Variants in SMAP1 observed in about 807,000 individuals in gnomAD.
The protein encoded by SMAP1 is small ArfGAP 1.
A neutral mutation model predicts 58.5 loss-of-function variants in SMAP1; 24 were observed. The observed-to-expected ratio is 0.41, with a 90% CI of 0.30 to 0.58. The LOEUF (loss-of-function observed/expected upper bound fraction) is 0.58, where lower values mean the gene tolerates loss of function less well. Ranked by LOEUF, SMAP1 falls within the 20% of genes least tolerant of loss-of-function variation. The probability of loss-of-function intolerance (pLI) is 0.29; values close to 1 mark genes in which losing one functional copy is unlikely to be tolerated. For synonymous variants in SMAP1, 216 were observed against 196.6 expected (o/e 1.10, Z -0.82); for missense variants, 563 against 566.3 (o/e 0.99, Z 0.06).
At chr6:70,758,961 C>G (rs961230664) in intron 3 of SMAP1, among the ~76,000 whole-genome samples, 4 of 151,946 alleles carry the variant, frequency 2.6e-5, no homozygotes, top group African/African-American at 9.7e-5. Context: ...ATGGAGTTAC[C>G]CCATTTGGTG....
At chr6:70,750,651 G>A (rs1766236353) in intron 2 of SMAP1, among the ~76,000 whole-genome samples, 1 of 152,194 alleles carries the variant, frequency 6.6e-6, no homozygotes, top group South Asian at 2.1e-4. Context: ...ACTTCCAAGT[G>A]ATGTGATGCT....
At chr6:70,668,211 G>T (rs1766112017) in intron 1 of SMAP1, 70 bp downstream of exon 1, 2 of 1,392,340 alleles carry the variant, frequency 1.4e-6, no homozygotes, top group East Asian at 2.6e-5. Flanking sequence ...CCGCTGCGGC[G>T]CTCGGGGCCC....
intron 1 of SMAP1, among the ~76,000 whole-genome samples, chr6:70,719,953 A>G (rs554161562): frequency 1.2e-4 from 18 of 152,240 alleles, no homozygotes; most frequent in African/African-American, 4.1e-4. Flanking sequence ...GGTCACTCCC[A>G]AATTGTATGT....
intron 6 of SMAP1, among the ~76,000 whole-genome samples, chr6:70,808,939 TGTAC>T (rs1769268767): frequency 6.9e-6 from 1 of 144,696 alleles, no homozygotes; most frequent in Non-Finnish European, 1.5e-5. Context: ...TGTGTGTGTG[TGTAC>T]ACACTTACTG....
chr6:70,851,760 A>G (rs893430270), intron 7 of SMAP1, among the ~76,000 whole-genome samples: 1 of 152,190 alleles, frequency 6.6e-6, no homozygotes, highest in Non-Finnish European at 1.5e-5. Context: ...TTACAGTTTT[A>G]AAAACTGTTT....
intron 1 of SMAP1, among the ~76,000 whole-genome samples, chr6:70,702,398 G>T (rs372134238): frequency 0.012 from 1,838 of 150,564 alleles, 47 homozygotes; most frequent in African/African-American, 0.042. Flanking sequence ...TTGGGGAGGG[G>T]GTCTGTTTAT....
At position 70,773,436 on chromosome 6, in the gene SMAP1, C is replaced by G; in HGVS notation, c.414+11C>G. On this transcript the variant is annotated intron_variant, in intron 4 of 10. Transcript: ENST00000370455. ...ATAGCTATTACAAATGTAAGTAAAA[C>G]CTTCATCTCTCATCAATTGTTTGTT... 6.9e-7 allele frequency: 1 copy of G among 1,455,606 alleles called. No homozygotes were observed. The highest frequency in any genetic ancestry group is 1.2e-5 in the South Asian group (1 of 82,072). The allele number at this position is 1,455,606 out of a possible 1,614,324, so 90.2% of individuals were successfully genotyped here. A position where few individuals can be genotyped will look rare whatever the true frequency, so the allele number is the denominator to read the frequency against.
intron 3 of SMAP1, among the ~76,000 whole-genome samples, chr6:70,758,598 A>G (rs1766615563): frequency 6.6e-6 from 1 of 152,106 alleles, no homozygotes; most frequent in Non-Finnish European, 1.5e-5. Flanking sequence ...ATTAACTTCC[A>G]CTGTAAGGAA....
intron 2 of SMAP1, among the ~76,000 whole-genome samples, chr6:70,741,828 G>A (rs1029075667): frequency 6.6e-5 from 10 of 152,166 alleles, no homozygotes; most frequent in African/African-American, 2.4e-5. Context: ...AAATCTAGGC[G>A]GAGGTTCCCA....
chr6:70,724,091 A>C (rs1390600635), intron 1 of SMAP1, among the ~76,000 whole-genome samples: 1 of 151,118 alleles, frequency 6.6e-6, no homozygotes, highest in Non-Finnish European at 1.5e-5. Flanking sequence ...AGAAGAATTA[A>C]CTATGTCCAT....
At chr6:70,768,161 A>C (rs920689988) in intron 3 of SMAP1, among the ~76,000 whole-genome samples, 39 of 152,218 alleles carry the variant, frequency 2.6e-4, no homozygotes, top group South Asian at 2.1e-4. Context: ...CCAGTATTTT[A>C]CTGAGGATTT....
chr6:70,784,280 C>A (rs1319869604), intron 4 of SMAP1, among the ~76,000 whole-genome samples: 4 of 151,826 alleles, frequency 2.6e-5, no homozygotes, highest in African/African-American at 9.7e-5. Context: ...CCAGGCCTGC[C>A]CTAAGAGAGC....
intron 1 of SMAP1, chr6:70,668,391 T>C: frequency 1.1e-6 from 1 of 939,148 alleles, no homozygotes; most frequent in Admixed American, 3.3e-5. Context: ...CAGACACGGG[T>C]TTGAGCAGGT....
chr6:70,798,212 A>G (rs1275742166), intron 5 of SMAP1, among the ~76,000 whole-genome samples: 2 of 151,682 alleles, frequency 1.3e-5, no homozygotes, highest in Non-Finnish European at 2.9e-5. Flanking sequence ...TCTTCCCCTT[A>G]TATTTGCCTA....
At chr6:70,801,551 G>A (rs866658326) in intron 6 of SMAP1, among the ~76,000 whole-genome samples, 1 of 152,108 alleles carries the variant, frequency 6.6e-6, no homozygotes, top group Non-Finnish European at 1.5e-5. Flanking sequence ...GGCTTTTGTT[G>A]CCATTGCTTT....
chr6:70,767,923 C>G (rs996148369), intron 3 of SMAP1, among the ~76,000 whole-genome samples: 15 of 145,472 alleles, frequency 1.0e-4, no homozygotes, highest in African/African-American at 3.9e-4. Flanking sequence ...GAGATACGTC[C>G]CACCAATACC....
chr6:70,851,966 C>G (rs535711276), intron 7 of SMAP1, among the ~76,000 whole-genome samples: 46 of 152,146 alleles, frequency 3.0e-4, no homozygotes, highest in African/African-American at 1.1e-3. Flanking sequence ...AGTTTTCTTC[C>G]ATGTTGTGAC....
chr6:70,705,794 C>T (rs1767815132), intron 1 of SMAP1, among the ~76,000 whole-genome samples: 1 of 152,152 alleles, frequency 6.6e-6, no homozygotes, highest in Non-Finnish European at 1.5e-5. Context: ...CCCAACCCTA[C>T]AAGGTATAGA....
At chr6:70,767,159 A>T (rs1487686588) in intron 3 of SMAP1, among the ~76,000 whole-genome samples, 1 of 151,990 alleles carries the variant, frequency 6.6e-6, no homozygotes, top group African/African-American at 2.4e-5. Flanking sequence ...GCCTTGTAGT[A>T]TAGTTTGAAG....
Sources: gnomAD v4.1 joint callset for allele counts (sites outside exome capture counted in the v4.1 genomes callset) on GRCh38, gnomAD v4.1.1 for gene constraint, MANE v1.5 for transcripts, NCBI Gene and HGNC (gene_info 2026-07-23, HGNC 2026-07-21) for gene names.